Variants in MGAT4A observed in about 807,000 individuals in gnomAD.
The protein encoded by MGAT4A is alpha-1,3-mannosyl-glycoprotein 4-beta-N-acetylglucosaminyltransferase A, also known as N-acetylglucosaminyltransferase IVa.
A neutral mutation model predicts 74.1 loss-of-function variants in MGAT4A; 33 were observed. The ratio of observed to expected loss-of-function variants is 0.45; its 90% confidence interval spans 0.34 to 0.60. The LOEUF (loss-of-function observed/expected upper bound fraction) is 0.60. MGAT4A is among the 20% of genes least tolerant of loss of function. MGAT4A has a pLI of 0.02. For synonymous variants in MGAT4A, 198 were observed against 210.4 expected, an observed-to-expected ratio of 0.94 and a Z score of 0.51; for missense variants, 479 against 628.3, an observed-to-expected ratio of 0.76 and a Z score of 2.54.
intron 2 of MGAT4A, among the ~76,000 whole-genome samples, chr2:98,708,614 G>C (rs1318262737): frequency 6.6e-6 from 1 of 152,204 alleles, no homozygotes; most frequent in Non-Finnish European, 1.5e-5. Context: ...CCAGCAACCA[G>C]TAATGTAGAT....
In MGAT4A at chr2:98,697,452, G is replaced by C. The variant is rs10196164; in HGVS notation, c.95-18981C>G. ...CACAGGGGAGATCTTTGTGGTGATA[G>C]AATTGTTCTATAGTGGTGGTTACAA... On this transcript the variant is annotated intron_variant, in intron 2 of 15. Transcript: ENST00000393487. Among the ~76,000 whole-genome samples, 662 of 152,314 alleles carry C rather than the reference G, an allele frequency of 4.3e-3. 4 individuals are homozygous for C. Among genetic ancestry groups the C allele is most frequent in the African/African-American group, 0.015 (644 of 41,570 alleles).
At chr2:98,716,352 T>C (rs1054437823) in intron 2 of MGAT4A, among the ~76,000 whole-genome samples, 2 of 152,042 alleles carry the variant, frequency 1.3e-5, no homozygotes, top group African/African-American at 4.8e-5. Flanking sequence ...GCGTGGTGGC[T>C]CACGCCTGTA....
At chr2:98,638,034 C>A (rs940699979) in intron 12 of MGAT4A, among the ~76,000 whole-genome samples, 2 of 152,156 alleles carry the variant, frequency 1.3e-5, no homozygotes. Context: ...GTGATGGGTA[C>A]ACAGGATGTC....
Position 98,641,499 on chromosome 2 carries a change from CAAAAAAAAAA to C in MGAT4A, c.1021-1281_1021-1272del, listed in dbSNP as rs1205460540. Among the ~76,000 whole-genome samples the C allele has an allele frequency of 1.2e-3, 90 of 75,286 alleles. 3 individuals are homozygous for C. The highest frequency in any genetic ancestry group is 4.2e-3 in the African/African-American group (85 of 20,134). The allele number at this position is 75,286 out of a possible 152,430, so 49.4% of individuals were successfully genotyped here. On this transcript the variant is annotated intron_variant, in intron 10 of 15. Coordinates refer to ENST00000393487, the MANE Select transcript of MGAT4A (RefSeq NM_012214.3). The stretch of plus-strand genomic sequence containing the variant: ...TGAAACCCCATCTCTACTAAAAATA[CAAAAAAAAAA>C]AAAAAAAAAAAAATTAGCCGGGCGT...
chr2:98,701,150 C>T (rs1702351293), intron 2 of MGAT4A, among the ~76,000 whole-genome samples: 1 of 152,148 alleles, frequency 6.6e-6, no homozygotes, highest in South Asian at 2.1e-4. Flanking sequence ...GGATCACATG[C>T]TCAGAACCAC....
At chr2:98,676,613 T>C (rs1305442791) in intron 3 of MGAT4A, among the ~76,000 whole-genome samples, 1 of 152,070 alleles carries the variant, frequency 6.6e-6, no homozygotes, top group Admixed American at 6.5e-5. Context: ...AGTTATAAAC[T>C]AGGGGGGAAA....
At chr2:98,632,167 A>C (rs1359565017) in intron 14 of MGAT4A, among the ~76,000 whole-genome samples, 5 of 152,124 alleles carry the variant, frequency 3.3e-5, no homozygotes, top group African/African-American at 1.2e-4. Context: ...TTGAGCTAAC[A>C]AACACAAGCC....
chr2:98,709,165 T>A (rs1025647033), intron 2 of MGAT4A, among the ~76,000 whole-genome samples: 2 of 152,190 alleles, frequency 1.3e-5, no homozygotes, highest in Non-Finnish European at 2.9e-5. Context: ...TCCCTAGAGC[T>A]GTAGTGTGGA....
chr2:98,631,166 G>GCT (rs1363646428), intron 14 of MGAT4A, among the ~76,000 whole-genome samples: 1 of 152,132 alleles, frequency 6.6e-6, no homozygotes, highest in Non-Finnish European at 1.5e-5. Flanking sequence ...TAGCTATCAC[G>GCT]CTCTACTCTT....
intron 2 of MGAT4A, chr2:98,726,014 C>T: frequency 4.2e-6 from 2 of 472,896 alleles, no homozygotes; most frequent in Middle Eastern, 5.4e-4. Flanking sequence ...TCTGTTTCTC[C>T]AAGTACAATT....
rs540712577 is a variant in MGAT4A at position 98,689,448 on chromosome 2, G to A, written c.95-10977C>T. Among the ~76,000 whole-genome samples, 6 of 152,290 alleles carry A rather than the reference G, an allele frequency of 3.9e-5. No individual in the cohort carries two copies. In the East Asian group the frequency reaches 5.8e-4, roughly 15 times the overall value. On this transcript the variant is annotated intron_variant, in intron 2 of 15. Coordinates refer to ENST00000393487, the MANE Select transcript of MGAT4A (RefSeq NM_012214.3). ...TTGAAGAACTTTCTCTAATTCAGATGAGACTTCCAGTTCCAGACCAAGATG... is the reference window on the plus strand; with the variant it reads ...TTGAAGAACTTTCTCTAATTCAGATAAGACTTCCAGTTCCAGACCAAGATG...
intron 8 of MGAT4A, among the ~76,000 whole-genome samples, chr2:98,647,677 C>CACCAT (rs1356123977): frequency 3.9e-5 from 6 of 152,330 alleles, no homozygotes; most frequent in Admixed American, 6.5e-5. Flanking sequence ...CTGTGAAGTG[C>CACCAT]CTGCATCATC....
Position 98,710,013 on chromosome 2 carries a change from G to C in MGAT4A, c.94+16226C>G, listed in dbSNP as rs1469516059. On this transcript the variant is annotated intron_variant, in intron 2 of 15. Transcript: ENST00000393487. ...TGAAATCTCACTGAAAAGGAGAGTA[G>C]AGCAACATGACTGGTTAAATTGGAA... Among the ~76,000 whole-genome samples the C allele has an allele frequency of 2.0e-5, 3 of 152,234 alleles. No homozygotes were observed. In the East Asian group the frequency reaches 5.8e-4, roughly 29 times the overall value.
intron 2 of MGAT4A, among the ~76,000 whole-genome samples, chr2:98,692,809 T>A (rs893207302): frequency 2.0e-4 from 31 of 152,322 alleles, no homozygotes; most frequent in African/African-American, 7.5e-4. Context: ...TACCCTATGA[T>A]GTTCACACAA....
At chr2:98,692,946 C>G (rs1702214719) in intron 2 of MGAT4A, among the ~76,000 whole-genome samples, 1 of 152,122 alleles carries the variant, frequency 6.6e-6, no homozygotes, top group African/African-American at 2.4e-5. Flanking sequence ...CATAAAGATT[C>G]AAGAAGCTGA....
chr2:98,666,087 T>C (rs1372555075), intron 4 of MGAT4A, among the ~76,000 whole-genome samples: 1 of 152,116 alleles, frequency 6.6e-6, no homozygotes, highest in East Asian at 1.9e-4. Context: ...TAAAAGCACT[T>C]TGGAAGAGTG....
intron 13 of MGAT4A, 45 bp downstream of exon 13, chr2:98,636,472 T>C (rs763080660): frequency 1.4e-6 from 2 of 1,388,124 alleles, no homozygotes; most frequent in African/African-American, 1.4e-5. Context: ...CTAAGTCTAC[T>C]AGTATTAGTT....
chr2:98,650,997 G>A (rs1188899136), intron 8 of MGAT4A, among the ~76,000 whole-genome samples: 2 of 151,916 alleles, frequency 1.3e-5, no homozygotes, highest in African/African-American at 4.8e-5. Context: ...GCAGCAAGGT[G>A]GAGGTTGCAG....
chr2:98,674,416 A>G (rs924079030), intron 4 of MGAT4A, among the ~76,000 whole-genome samples: 1 of 152,136 alleles, frequency 6.6e-6, no homozygotes, highest in African/African-American at 2.4e-5. Context: ...GCCCACTTCC[A>G]CTCTGTGGAG....
Sources: gnomAD v4.1 joint callset for allele counts (sites outside exome capture counted in the v4.1 genomes callset) on GRCh38, gnomAD v4.1.1 for gene constraint, MANE v1.5 for transcripts, NCBI Gene and HGNC (gene_info 2026-07-23, HGNC 2026-07-21) for gene names.